ATG2A: variants seen among roughly 807,000 people sequenced by gnomAD.
ATG2A encodes the protein autophagy-related protein 2 homolog A.
ATG2A carries 103 observed loss-of-function variants against 214.2 expected under a neutral mutation model. That is an observed-to-expected ratio of 0.48 (90% confidence interval 0.41 to 0.57). ATG2A has a LOEUF of 0.57. Among genes scored for constraint, ATG2A ranks in the 20% least tolerant of loss-of-function variants. The probability of loss-of-function intolerance (pLI) is 0.00; values close to 1 mark genes in which losing one functional copy is unlikely to be tolerated. For missense variants in ATG2A, 2,312 were observed against 2,613.2 expected, an observed-to-expected ratio of 0.88 and a Z score of 2.51; for synonymous variants, 1,160 against 1,142.1, an observed-to-expected ratio of 1.02 and a Z score of -0.32.
intron 15 of ATG2A, 47 bp downstream of exon 15, chr11:64,909,224 C>T (rs1944669678): frequency 6.2e-7 from 1 of 1,611,128 alleles, no homozygotes; most frequent in Non-Finnish European, 8.5e-7. Context: ...CCTGCCACCC[C>T]CAGCAGAACC....
chr11:64,898,543 T>A lies in ATG2A; in HGVS notation c.4671+93A>T, dbSNP rs527504613. On this transcript the variant is annotated intron_variant, in intron 32 of 40. Transcript: ENST00000377264. This position sits in a 1 kb window ranked among gnomAD's most constrained non-coding sequence, Gnocchi z 4.5. ...AACAACCTGGGTGTTTGTGTGGGAATGCGTGTATGTGTGTGAATCCATGCA... is the reference window on the plus strand; with the variant it reads ...AACAACCTGGGTGTTTGTGTGGGAAAGCGTGTATGTGTGTGAATCCATGCA... The A allele has an allele frequency of 2.5e-5, 37 of 1,459,244 alleles. No homozygotes were observed. The African/African-American group carries it at 3.9e-4, about 15-fold the overall frequency. The allele number at this position is 1,459,244 out of a possible 1,614,324, so 90.4% of individuals were successfully genotyped here. A position where few individuals can be genotyped will look rare whatever the true frequency, so the allele number is the denominator to read the frequency against.
intron 37 of ATG2A, 153 bp from the exon 38 acceptor site, chr11:64,897,022 T>TGGGCACTCTACCCTCCCTGTGGTCCCA: frequency 9.2e-7 from 1 of 1,085,540 alleles, no homozygotes; most frequent in Non-Finnish European, 1.3e-6. Context: ...AGGGACTGTG[T>TGGGCACTCTACCCTCCCTGTGGTCCCA]CCTTTTTTTT....
Position 64,913,120 on chromosome 11 carries a change from G to A in ATG2A, c.743C>T (p.Pro248Leu), listed in dbSNP as rs770545916. 1.9e-6 allele frequency: 3 copies of A among 1,578,182 alleles called. 1 individual carries two copies. The highest frequency in any genetic ancestry group is 2.3e-5 in the South Asian group (2 of 87,174). ...TGAGCAGCTGCCGATCTGCAAGGGG[G>A]GCTCTGGAGGCTCTTCCTGGGAGAC... ...ELPAQEEPPE[P>L]PLQIGSCSGY... is the part of the protein sequence containing the mutation. The change falls in exon 6 of 41, where the codon CCC (proline) becomes CTC (leucine). Residue 248 changes from proline (P) to leucine (L), a missense_variant. Coordinates refer to ENST00000377264, the MANE Select transcript of ATG2A (RefSeq NM_015104.3). This position sits in a 1 kb window ranked among gnomAD's most constrained non-coding sequence, Gnocchi z 4.3.
At chr11:64,906,838 G>C (rs1190847672) in intron 19 of ATG2A, 23 bp from the exon 20 acceptor site, 3 of 1,605,752 alleles carry the variant, frequency 1.9e-6, no homozygotes. Flanking sequence ...CACACAGCCT[G>C]GCTTCCCCAG....
chr11:64,909,881 AGCCGAAATACCGTCTGCTGCTCCATC>A lies in ATG2A; in HGVS notation c.1881_1906del (p.Met628LeufsTer19), dbSNP rs1944698643. The A allele has an allele frequency of 1.2e-6, 2 of 1,608,356 alleles. No homozygotes were observed. Among genetic ancestry groups the A allele is most frequent in the Non-Finnish European group, 1.7e-6 (2 of 1,178,472 alleles). On this transcript the variant is annotated frameshift_variant, in exon 14 of 41. Transcript: ENST00000377264. LOFTEE classifies it high-confidence loss of function. Reference sequence around the variant, plus strand: ...CCGCAGCGTGGCCCGGGGTGCAGAGAGCCGAAATACCGTCTGCTGCTCCATCGCCGGCAGGGGCTCTGTCTGCAGGA... The same window carrying A: ...CCGCAGCGTGGCCCGGGGTGCAGAGAGCCGGCAGGGGCTCTGTCTGCAGGA...
chr11:64,903,198 C>T lies in ATG2A; in HGVS notation c.3612+90G>A. On this transcript the variant is annotated intron_variant, in intron 26 of 40. Transcript: ENST00000377264. The surrounding 1 kb of genome is among the most constrained non-coding windows in gnomAD (Gnocchi z 4.2). ...GCAGGCATGAACTGTGTCCGGAGCC[C>T]AGGCACGTGAGGGAGCAGCAGCCCC... The T allele has an allele frequency of 4.7e-6, 6 of 1,263,340 alleles. No homozygotes were observed. The highest frequency in any genetic ancestry group is 6.8e-6 in the Non-Finnish European group (6 of 876,134). 78.3% of individuals were successfully genotyped at this position (1,263,340 alleles called of 1,614,324 possible).
intron 1 of ATG2A, 62 bp downstream of exon 1, chr11:64,916,903 G>A (rs1224080677): frequency 1.4e-5 from 22 of 1,592,356 alleles, no homozygotes; most frequent in Non-Finnish European, 1.8e-5. Flanking sequence ...CTGCCGCAGG[G>A]AGCCTCAGGT....
Position 64,894,698 on chromosome 11 carries a change from A to G in ATG2A, c.*275T>C, listed in dbSNP as rs1200792809. The G allele has an allele frequency of 7.3e-6, 5 of 684,002 alleles. No individual in the cohort carries two copies. Among genetic ancestry groups the G allele is most frequent in the Non-Finnish European group, 1.3e-5 (5 of 372,896 alleles). 42.4% of individuals were successfully genotyped at this position (684,002 alleles called of 1,614,324 possible). On this transcript the variant is annotated 3_prime_UTR_variant, in exon 41 of 41. Transcript: ENST00000377264. ...GAGTGGGATGGGGTCCGAGGGTCCA[A>G]AAGCCTCCGTCCTGGGAGAAGGCAG... is the stretch of plus-strand genomic sequence containing the variant.
In ATG2A at chr11:64,895,770, G is replaced by A. The variant is rs957022849; in HGVS notation, c.5428-328C>T. On this transcript the variant is annotated intron_variant, in intron 39 of 40. Transcript: ENST00000377264. The surrounding 1 kb of genome is among the most constrained non-coding windows in gnomAD (Gnocchi z 5.0). ...CGCAGCTGCACGCCTGAGACTGACC[G>A]CTCCTTGCCTGGCCCCCCAGACGCC... 6.6e-6 allele frequency among the ~76,000 whole-genome samples: 1 copy of A among 152,062 alleles called. No individual in the cohort carries two copies. The highest frequency in any genetic ancestry group is 1.5e-5 in the Non-Finnish European group (1 of 67,994).
chr11:64,915,462 T>G (rs1241878251), intron 1 of ATG2A, among the ~76,000 whole-genome samples: 1 of 152,178 alleles, frequency 6.6e-6, no homozygotes, highest in African/African-American at 2.4e-5. Flanking sequence ...GGACTGAGAC[T>G]GGGATGCGGG....
In ATG2A at chr11:64,895,080, C is replaced by T. The variant is rs756977924; in HGVS notation, c.5710G>A (p.Ala1904Thr). 56 of 1,612,804 alleles carry T rather than the reference C, an allele frequency of 3.5e-5. No individual in the cohort carries two copies. The highest frequency in any genetic ancestry group is 4.6e-5 in the Non-Finnish European group (54 of 1,179,784). Residue 1904 changes from alanine (A) to threonine (T), a missense_variant, in exon 41 of 41, where the codon GCC (alanine) becomes ACC (threonine). Transcript: ENST00000377264. The surrounding 1 kb of genome is among the most constrained non-coding windows in gnomAD (Gnocchi z 5.0). Reference sequence around the variant, plus strand: ...AGCAGGCTGGACGTGGCCTCCGTGGCCAGGATGAGCGGCTTCACCACAGTC... The same window carrying T: ...AGCAGGCTGGACGTGGCCTCCGTGGTCAGGATGAGCGGCTTCACCACAGTC... ...PPTVVKPLILATEATSSLLGG... is the reference protein window; with the variant it reads ...PPTVVKPLILTTEATSSLLGG...
chr11:64,902,342 C>T lies in ATG2A; in HGVS notation c.3822G>A (p.Glu1274=). ...PASLPSCPPV[E]TALINQRDLA... is the part of the protein sequence containing the mutation. Reference sequence around the variant, plus strand: ...GGTCACGCTGGTTGATGAGGGCCGTCTCCACTGGGGGGCACGAGGGCAGAG... The same window carrying T: ...GGTCACGCTGGTTGATGAGGGCCGTTTCCACTGGGGGGCACGAGGGCAGAG... Residue 1274 remains glutamate (E), a synonymous_variant, in exon 28 of 41, where the codon GAG becomes GAA. Coordinates refer to ENST00000377264, the MANE Select transcript of ATG2A (RefSeq NM_015104.3). 1 of 1,607,100 alleles carries T rather than the reference C, an allele frequency of 6.2e-7. No homozygotes were observed. Among genetic ancestry groups the T allele is most frequent in the East Asian group, 2.2e-5 (1 of 44,670 alleles).
At position 64,894,825 on chromosome 11, in the gene ATG2A, A is replaced by T. The variant is rs1448470074; in HGVS notation, c.*148T>A. 3.0e-6 allele frequency: 3 copies of T among 984,182 alleles called. No individual in the cohort carries two copies. Among genetic ancestry groups the T allele is most frequent in the Non-Finnish European group, 4.8e-6 (3 of 620,366 alleles). The allele number at this position is 984,182 out of a possible 1,614,324, so 61.0% of individuals were successfully genotyped here. A position where few individuals can be genotyped will look rare whatever the true frequency, so the allele number is the denominator to read the frequency against. On this transcript the variant is annotated 3_prime_UTR_variant, in exon 41 of 41. Coordinates refer to ENST00000377264, the MANE Select transcript of ATG2A (RefSeq NM_015104.3). ...CAAGGCAGGGAGGCCCCCCTCTCAC[A>T]GCAGATTGGCAACGGGCAGGCTGGG...
At position 64,906,648 on chromosome 11, in the gene ATG2A, G is replaced by A. The variant is rs2136595858; in HGVS notation, c.2983+17C>T. ...CAACCCTGGACCCCAGTGGTGACCT[G>A]CCCCCAGGCCTCACACCTCGGTGGT... On this transcript the variant is annotated intron_variant, in intron 20 of 40. Coordinates refer to ENST00000377264, the MANE Select transcript of ATG2A (RefSeq NM_015104.3). 6.2e-7 allele frequency: 1 copy of A among 1,613,086 alleles called. No homozygotes were observed. Among genetic ancestry groups the A allele is most frequent in the East Asian group, 2.2e-5 (1 of 44,864 alleles).
intron 6 of ATG2A, chr11:64,912,745 C>T (rs569033441): frequency 4.6e-5 from 21 of 454,406 alleles, no homozygotes; most frequent in African/African-American, 1.2e-4. Flanking sequence ...AGGCATGTGC[C>T]ACCACGCCTG....
chr11:64,902,744 C>T (rs1944402022), intron 26 of ATG2A, 64 bp from the exon 27 acceptor site: 2 of 1,486,030 alleles, frequency 1.3e-6, no homozygotes, highest in African/African-American at 1.4e-5. Flanking sequence ...CTGGCCCCAC[C>T]CGCTCGCTGG....
chr11:64,897,481 C>A lies in ATG2A; in HGVS notation c.5081G>T (p.Gly1694Val). Residue 1694 changes from glycine (G) to valine (V), a missense_variant, in exon 37 of 41, where the codon GGC (glycine) becomes GTC (valine). Gly to Val is a moderately radical substitution (Grantham distance 109). Coordinates refer to ENST00000377264, the MANE Select transcript of ATG2A (RefSeq NM_015104.3). The part of the protein sequence containing the change: ...VTMDQVGTFA[G>V]LLIGLAQLNC... ...GAGTTGGGCCAGGCCGATGAGGAGG[C>A]CAGCAAAAGTGCCCTGGGAGAGGGA... 1 of 1,579,568 alleles carries A rather than the reference C, an allele frequency of 6.3e-7. No homozygotes were observed. Among genetic ancestry groups the A allele is most frequent in the South Asian group, 1.2e-5 (1 of 86,682 alleles).
In ATG2A at chr11:64,894,647, C is replaced by A. The variant is rs1334669873; in HGVS notation, c.*326G>T. On this transcript the variant is annotated 3_prime_UTR_variant, in exon 41 of 41. Coordinates refer to ENST00000377264, the MANE Select transcript of ATG2A (RefSeq NM_015104.3). ...CCACACGGATATCATCCCCTCCTCCCCCCAGACACAGAAAGACACTTGGCT... is the reference window on the plus strand; with the variant it reads ...CCACACGGATATCATCCCCTCCTCCACCCAGACACAGAAAGACACTTGGCT... 1 of 631,988 alleles carries A rather than the reference C, an allele frequency of 1.6e-6. No homozygotes were observed. The highest frequency in any genetic ancestry group is 2.9e-6 in the Non-Finnish European group (1 of 339,032). 39.1% of individuals were successfully genotyped at this position (631,988 alleles called of 1,614,324 possible).
rs754602512 is a variant in ATG2A, at chr11:64,901,053, C to T, written c.4159G>A (p.Gly1387Ser). Reference protein sequence around the residue: ...GEPVVTQLHPGPIVVRDGYFS... With the variant: ...GEPVVTQLHPSPIVVRDGYFS... ...TAACCGTCCCTCACAACGATGGGGC[C>T]GGGATGCAGCTGTGTCACCACAGGC... Residue 1387 changes from glycine to serine, a missense_variant, in exon 30 of 41, where the codon GGC (glycine) becomes AGC (serine). Physicochemically the swap from Gly to Ser is moderately conservative, Grantham distance 56. Coordinates refer to ENST00000377264, the MANE Select transcript of ATG2A (RefSeq NM_015104.3). 58 of 1,581,754 alleles carry T rather than the reference C, an allele frequency of 3.7e-5. No individual in the cohort carries two copies. The highest frequency in any genetic ancestry group is 4.9e-5 in the Non-Finnish European group (57 of 1,164,108).
Sources: gnomAD v4.1 joint callset for allele counts (sites outside exome capture counted in the v4.1 genomes callset) on GRCh38, gnomAD v4.1.1 for gene constraint, Gnocchi (gnomAD v3.1) non-coding constraint, MANE v1.5 for transcripts, NCBI Gene and HGNC (gene_info 2026-07-23, HGNC 2026-07-21) for gene names.